The following CSMD1 variants were observed in gnomAD, a reference collection of about 807,000 sequenced individuals.
The protein encoded by CSMD1 is CUB and Sushi multiple domains 1.
A neutral mutation model predicts 417.5 loss-of-function variants in CSMD1; 213 were observed. The ratio of observed to expected loss-of-function variants is 0.51; its 90% CI spans 0.46 to 0.57. The LOEUF (loss-of-function observed/expected upper bound fraction) is 0.57, where lower values mean the gene tolerates loss of function less well. CSMD1 is among the 20% of genes least tolerant of loss of function. CSMD1 has a pLI of 0.00. For synonymous variants in CSMD1, 2,862 were observed against 1,736.8 expected (o/e 1.65, Z -16.11); for missense variants, 6,923 against 4,529.7 (o/e 1.53, Z -15.17).
chr8:3,416,252 G>C (rs768361371), intron 12 of CSMD1, among the ~76,000 whole-genome samples: 2 of 144,620 alleles, frequency 1.4e-5, no homozygotes, highest in Non-Finnish European at 3.0e-5. Context: ...GCAGTGAACC[G>C]GGACTGCGCA....
chr8:4,007,846 G>A (rs953811565), intron 4 of CSMD1, among the ~76,000 whole-genome samples: 6 of 152,100 alleles, frequency 3.9e-5, no homozygotes, highest in African/African-American at 1.2e-4. Flanking sequence ...TCTAAGAATA[G>A]AAGAAGAAAA....
chr8:3,992,475 G>A (rs1814830092), intron 5 of CSMD1, among the ~76,000 whole-genome samples: 1 of 152,164 alleles, frequency 6.6e-6, no homozygotes, highest in Non-Finnish European at 1.5e-5. Context: ...TAAAATTACT[G>A]AATCCAAATT....
intron 3 of CSMD1, among the ~76,000 whole-genome samples, chr8:4,210,160 T>C (rs1405982757): frequency 1.3e-5 from 2 of 152,192 alleles, no homozygotes; most frequent in Non-Finnish European, 2.9e-5. Flanking sequence ...GTGTGTCAAA[T>C]CTGATGCTGC....
chr8:3,053,740 G>A (rs1563285311), intron 49 of CSMD1, among the ~76,000 whole-genome samples: 1 of 152,204 alleles, frequency 6.6e-6, no homozygotes, highest in African/African-American at 2.4e-5. Context: ...ATTCTCAAAC[G>A]ATTACATGTG....
At chr8:4,007,319 T>A (rs921326548) in intron 4 of CSMD1, among the ~76,000 whole-genome samples, 1 of 152,168 alleles carries the variant, frequency 6.6e-6, no homozygotes, top group African/African-American at 2.4e-5. Context: ...CTGTTCCTCA[T>A]CCTCCACCTC....
At chr8:4,615,362 G>A (rs917432979) in intron 2 of CSMD1, among the ~76,000 whole-genome samples, 2 of 152,110 alleles carry the variant, frequency 1.3e-5, no homozygotes, top group African/African-American at 2.4e-5. Flanking sequence ...CAGCAATGGT[G>A]TTTCTTCTTA....
intron 23 of CSMD1, among the ~76,000 whole-genome samples, chr8:3,325,719 G>C (rs1806484058): frequency 6.6e-6 from 1 of 152,160 alleles, no homozygotes; most frequent in African/African-American, 2.4e-5. Context: ...AGCTACTCGG[G>C]AAGCTGAGGC....
intron 10 of CSMD1, among the ~76,000 whole-genome samples, chr8:3,549,457 C>T (rs901943776): frequency 2.6e-5 from 4 of 152,162 alleles, no homozygotes; most frequent in Non-Finnish European, 5.9e-5. Context: ...GGAAACTCAG[C>T]CCCTCATGTC....
chr8:3,782,999 C>A (rs1323136527), intron 5 of CSMD1, among the ~76,000 whole-genome samples: 7 of 152,200 alleles, frequency 4.6e-5, no homozygotes, highest in African/African-American at 1.4e-4. Context: ...AAATTAAGCA[C>A]AACGTCCTAT....
At chr8:4,619,198 C>T (rs12680273) in intron 2 of CSMD1, among the ~76,000 whole-genome samples, 9,135 of 152,166 alleles carry the variant, frequency 0.06, 451 homozygotes, top group East Asian at 0.16. Flanking sequence ...AGAATGTCTA[C>T]ATTTTTTCCC....
chr8:3,562,003 G>C (rs983019841), intron 10 of CSMD1, among the ~76,000 whole-genome samples: 47 of 152,210 alleles, frequency 3.1e-4, no homozygotes, highest in African/African-American at 1.1e-3. Context: ...CAGAAACTTT[G>C]TGAAGGAGGA....
chr8:4,887,404 C>G (rs1803823252), intron 1 of CSMD1, among the ~76,000 whole-genome samples: 1 of 151,988 alleles, frequency 6.6e-6, no homozygotes, highest in African/African-American at 2.4e-5. Flanking sequence ...TCATGGACAA[C>G]AGTTCATCTG....
In CSMD1 at chr8:3,837,151, G is replaced by GA. The variant is rs34295269; in HGVS notation, c.819-83110dup. On this transcript the variant is annotated intron_variant, in intron 5 of 69. Coordinates refer to ENST00000635120, the MANE Select transcript of CSMD1 (RefSeq NM_033225.6). Reference sequence around the variant, plus strand: ...AAAATTGAAAGTGTAGTCACTAAAGGAAAAAAAAAAATCTGTTCACATCAG... The same window carrying GA: ...AAAATTGAAAGTGTAGTCACTAAAGGAAAAAAAAAAAATCTGTTCACATCAG... 1.6e-3 allele frequency among the ~76,000 whole-genome samples: 234 copies of GA among 147,210 alleles called. 1 individual carries two copies. Among genetic ancestry groups the GA allele is most frequent in the African/African-American group, 4.7e-3 (189 of 40,414 alleles).
chr8:4,317,998 A>T (rs1466371306), intron 3 of CSMD1, among the ~76,000 whole-genome samples: 1 of 152,188 alleles, frequency 6.6e-6, no homozygotes. Flanking sequence ...AAATATTTGG[A>T]TATACAATTA....
chr8:4,404,616 G>A lies in CSMD1; in HGVS notation c.415+15337C>T, dbSNP rs576558017. The stretch of plus-strand genomic sequence containing the variant: ...AATGGCAAAAATGGCAATTTCTTTT[G>A]CACCAACCTAAGTAATGTGAATTTA... On this transcript the variant is annotated intron_variant, in intron 3 of 69. Coordinates refer to ENST00000635120, the MANE Select transcript of CSMD1 (RefSeq NM_033225.6). 2.6e-5 allele frequency among the ~76,000 whole-genome samples: 4 copies of A among 151,976 alleles called. No individual in the cohort carries two copies. The East Asian group carries it at 7.7e-4, about 29-fold the overall frequency.
chr8:4,695,866 C>G (rs933489040), intron 1 of CSMD1, among the ~76,000 whole-genome samples: 3 of 152,150 alleles, frequency 2.0e-5, no homozygotes, highest in Non-Finnish European at 4.4e-5. Flanking sequence ...GGTGGCCCAC[C>G]ACTCTTTTGA....
intron 3 of CSMD1, among the ~76,000 whole-genome samples, chr8:4,298,833 T>C (rs1218383783): frequency 1.3e-5 from 2 of 152,028 alleles, no homozygotes; most frequent in Non-Finnish European, 2.9e-5. Context: ...TAAAGTATAA[T>C]AAAAAATTAT....
At chr8:3,977,991 G>A (rs966793559) in intron 5 of CSMD1, among the ~76,000 whole-genome samples, 1 of 152,174 alleles carries the variant, frequency 6.6e-6, no homozygotes, top group Non-Finnish European at 1.5e-5. Context: ...CTTACCATGA[G>A]AGCATCTCAT....
At chr8:3,465,907 A>T (rs1452317227) in intron 12 of CSMD1, among the ~76,000 whole-genome samples, 1 of 152,142 alleles carries the variant, frequency 6.6e-6, no homozygotes, top group Non-Finnish European at 1.5e-5. Flanking sequence ...AACTATGAGA[A>T]AATGTCGAGA....
Sources: allele counts gnomAD v4.1 joint callset (sites outside exome capture counted in the v4.1 genomes callset), GRCh38; gene constraint gnomAD v4.1.1; transcripts MANE v1.5; gene names NCBI Gene and HGNC (gene_info 2026-07-23, HGNC 2026-07-21).